CEP290: variants seen among roughly 807,000 people sequenced by gnomAD.
CEP290 encodes the protein centrosomal protein 290.
Under a neutral mutation model 344.9 loss-of-function variants are expected in CEP290, and 317 were observed. That is an observed-to-expected ratio of 0.92 (90% CI 0.84 to 1.01). The LOEUF is 1.01. CEP290 is among the 50% of genes least tolerant of loss of function. The pLI is 0.00. For synonymous variants in CEP290, 932 were observed against 895.8 expected, an observed-to-expected ratio of 1.04 and a Z score of -0.72; for missense variants, 2,754 against 2,761.4, an observed-to-expected ratio of 1.00 and a Z score of 0.06.
intron 11 of CEP290, among the ~76,000 whole-genome samples, chr12:88,127,313 C>A (rs942467801): frequency 2.6e-5 from 4 of 152,116 alleles, no homozygotes; most frequent in Admixed American, 6.6e-5. Flanking sequence ...CACAGTGTGA[C>A]CCCATGTCTA....
Position 88,077,804 on chromosome 12 carries a change from G to A in CEP290, c.5479C>T (p.Gln1827Ter). ...TTATTATAGGCTTTTTGTTTCTTTT[G>A]CAGTTCATTATTTAAGTCATTCAAA... Reference protein sequence around the residue: ...DNLNDLNNELQKKQKAYNKIL... With the variant: ...DNLNDLNNEL Residue 1827 changes from glutamine (Q) to a stop codon, truncating the protein, a stop_gained, in exon 40 of 54, where the codon CAA becomes TAA. Transcript: ENST00000552810. LOFTEE classifies it high-confidence loss of function. The A allele has an allele frequency of 6.5e-7, 1 of 1,547,414 alleles. No individual in the cohort carries two copies. The highest frequency in any genetic ancestry group is 1.2e-5 in the South Asian group (1 of 84,204).
At chr12:88,060,183 C>T (rs1262823451) in intron 47 of CEP290, among the ~76,000 whole-genome samples, 163 bp from the exon 48 acceptor site, 4 of 152,156 alleles carry the variant, frequency 2.6e-5, no homozygotes, top group Admixed American at 1.3e-4. Flanking sequence ...AAGTTCCCAA[C>T]GTTGGCTACA....
chr12:88,074,806 G>A (rs767526425), intron 41 of CEP290, among the ~76,000 whole-genome samples: 7 of 152,302 alleles, frequency 4.6e-5, no homozygotes, highest in Admixed American at 1.3e-4. Flanking sequence ...GGTTCAGAGA[G>A]GTTCTGGAGA....
chr12:88,109,129 T>A lies in CEP290; in HGVS notation c.2420A>T (p.Asp807Val). The A allele has an allele frequency of 6.8e-7, 1 of 1,471,232 alleles. No homozygotes were observed. The highest frequency in any genetic ancestry group is 9.1e-7 in the Non-Finnish European group (1 of 1,096,722). 91.1% of individuals were successfully genotyped at this position (1,471,232 alleles called of 1,614,324 possible). Residue 807 changes from aspartate to valine, a missense_variant, in exon 23 of 54, where the codon GAT becomes GTT. Coordinates refer to ENST00000552810, the MANE Select transcript of CEP290 (RefSeq NM_025114.4). ...AATTACAGCAAATTTTCTGTTGTAATCTTCAAGAGAATCTTCTAAATTCTT... is the reference window on the plus strand; with the variant it reads ...AATTACAGCAAATTTTCTGTTGTAAACTTCAAGAGAATCTTCTAAATTCTT... Reference protein sequence around the residue: ...KLKNLEDSLEDYNRKFAVIRH... With the variant: ...KLKNLEDSLEVYNRKFAVIRH...
intron 6 of CEP290, among the ~76,000 whole-genome samples, chr12:88,132,553 AG>A (rs2040137488): frequency 6.6e-6 from 1 of 152,202 alleles, no homozygotes; most frequent in South Asian, 2.1e-4. Context: ...TTAAGTGCAA[AG>A]TATCATATCT....
chr12:88,062,355 G>A (rs927582154), intron 46 of CEP290, among the ~76,000 whole-genome samples: 4 of 152,142 alleles, frequency 2.6e-5, no homozygotes, highest in African/African-American at 9.7e-5. Context: ...AAGCTGGGAA[G>A]ATATCATAAC....
Position 88,063,900 on chromosome 12 carries a change from A to C in CEP290, c.6270+81T>G, listed in dbSNP as rs2034683951. On this transcript the variant is annotated intron_variant, in intron 45 of 53. Transcript: ENST00000552810. ...TAGGAATATGCATTTTTGACTTCTT[A>C]ATAAGCTAATAAAAGTAAACATAAC... 3.3e-6 allele frequency: 4 copies of C among 1,198,952 alleles called. No individual in the cohort carries two copies. In the African/African-American group the frequency reaches 4.6e-5, roughly 14 times the overall value. The allele number at this position is 1,198,952 out of a possible 1,614,324, so 74.3% of individuals were successfully genotyped here.
chr12:88,093,997 T>C, intron 27 of CEP290, 22 bp from the exon 28 acceptor site: 1 of 1,537,208 alleles, frequency 6.5e-7, no homozygotes, highest in Non-Finnish European at 8.9e-7. Flanking sequence ...AATATTTAAG[T>C]CAATCTCATG....
rs140147526 is a variant in CEP290 at position 88,105,311 on chromosome 12, T to C, written c.2817+1364A>G. 4.5e-3 allele frequency among the ~76,000 whole-genome samples: 687 copies of C among 152,172 alleles called. 12 individuals are homozygous for C. The highest frequency in any genetic ancestry group is 0.015 in the African/African-American group (637 of 41,538). On this transcript the variant is annotated intron_variant, in intron 25 of 53. Coordinates refer to ENST00000552810, the MANE Select transcript of CEP290 (RefSeq NM_025114.4). ...AGAATATGACTCCAACTAAAACACATGGAATATTTAAAAATCTGTGAGTCT... is the reference window on the plus strand; with the variant it reads ...AGAATATGACTCCAACTAAAACACACGGAATATTTAAAAATCTGTGAGTCT...
intron 34 of CEP290, among the ~76,000 whole-genome samples, chr12:88,085,559 T>G (rs2036517594): frequency 6.6e-6 from 1 of 152,116 alleles, no homozygotes; most frequent in Non-Finnish European, 1.5e-5. Context: ...TACATTATTT[T>G]CTGAATAATT....
rs769989974 is a variant in CEP290 at position 88,084,789 on chromosome 12, C to G, written c.4501G>C (p.Val1501Leu). 6.2e-7 allele frequency: 1 copy of G among 1,612,818 alleles called. No individual in the cohort carries two copies. The highest frequency in any genetic ancestry group is 2.2e-5 in the East Asian group (1 of 44,848). Residue 1501 changes from valine to leucine, a missense_variant, in exon 35 of 54, where the codon GTA (valine) becomes CTA (leucine). Coordinates refer to ENST00000552810, the MANE Select transcript of CEP290 (RefSeq NM_025114.4). ...AEQNILSRDK[V>L]INELRLRLPA... ...AATCGAAGCCTCAGTTCATTGATTA[C>G]TTTGTCTCTTGACAGTATATTTTGT... is the stretch of plus-strand genomic sequence containing the variant.
intron 26 of CEP290, among the ~76,000 whole-genome samples, chr12:88,101,978 A>G (rs556950735): frequency 6.6e-6 from 1 of 152,334 alleles, no homozygotes; most frequent in Admixed American, 6.5e-5. Context: ...AAAGCTACTC[A>G]GAACAACGTT....
chr12:88,131,917 G>C (rs1435573180), intron 6 of CEP290, among the ~76,000 whole-genome samples: 1 of 152,080 alleles, frequency 6.6e-6, no homozygotes, highest in African/African-American at 2.4e-5. Flanking sequence ...GAAATATAAG[G>C]CAATACAACA....
chr12:88,090,930 C>T (rs917575488), intron 29 of CEP290, 91 bp from the exon 30 acceptor site: 17 of 686,712 alleles, frequency 2.5e-5, no homozygotes, highest in Non-Finnish European at 4.0e-5. Context: ...TTTCAAAAAG[C>T]CATTCGTTTT....
At chr12:88,063,555 TC>T (rs1484802074) in intron 45 of CEP290, among the ~76,000 whole-genome samples, 2 of 152,070 alleles carry the variant, frequency 1.3e-5, no homozygotes, top group Non-Finnish European at 2.9e-5. Context: ...CCTTTACCCC[TC>T]CTTAGCTCTC....
chr12:88,113,886 A>G (rs2038872953), intron 20 of CEP290, among the ~76,000 whole-genome samples: 1 of 152,098 alleles, frequency 6.6e-6, no homozygotes. Flanking sequence ...AATGAATGAA[A>G]AAAAACTACC....
At chr12:88,086,644 A>G (rs1592845756) in intron 32 of CEP290, 146 bp from the exon 33 acceptor site, 1 of 575,776 alleles carries the variant, frequency 1.7e-6, no homozygotes, top group Non-Finnish European at 3.0e-6. Context: ...ATACAAACTC[A>G]GAGAGGTGAA....
chr12:88,090,825 G>C lies in CEP290; in HGVS notation c.3476C>G (p.Ser1159Cys), dbSNP rs1384409779. Residue 1159 changes from serine (S) to cysteine (C), a missense_variant, in exon 30 of 54, where the codon TCT becomes TGT. Ser to Cys is a moderately radical substitution (Grantham distance 112, BLOSUM62 -1). Transcript: ENST00000552810. ...KVEVSKLREI[S>C]DIARRQVEIL... ...TTCAACTTGTCTTCTGGCAATATCA[G>C]AAATCTCTCTCAGTCTAGGAAATGA... 6.4e-7 allele frequency: 1 copy of C among 1,551,954 alleles called. No homozygotes were observed. The highest frequency in any genetic ancestry group is 1.2e-5 in the South Asian group (1 of 84,114).
intron 26 of CEP290, among the ~76,000 whole-genome samples, chr12:88,097,596 CACACACACACACAT>C (rs2037526567): frequency 1.9e-5 from 2 of 104,786 alleles, no homozygotes; most frequent in Non-Finnish European, 4.0e-5. Flanking sequence ...TATATATATA[CACACACACACACAT>C]ACACACACAC....
Sources: allele counts gnomAD v4.1 joint callset (sites outside exome capture counted in the v4.1 genomes callset), GRCh38; gene constraint gnomAD v4.1.1; transcripts MANE v1.5; gene names NCBI Gene and HGNC (gene_info 2026-07-23, HGNC 2026-07-21).